Variants in CALN1 observed in about 807,000 individuals in gnomAD.
CALN1 encodes the protein calneuron 1.
CALN1 carries 17 observed loss-of-function variants against 30.6 expected under a neutral mutation model. The observed-to-expected ratio is 0.56, with a 90% CI of 0.38 to 0.83. CALN1 has a LOEUF of 0.83. Among genes scored for constraint, CALN1 ranks in the 40% least tolerant of loss-of-function variants. CALN1 has a pLI of 0.00. For synonymous variants in CALN1, 156 were observed against 131.4 expected, an observed-to-expected ratio of 1.19 and a Z score of -1.28; for missense variants, 291 against 354.9, an observed-to-expected ratio of 0.82 and a Z score of 1.45.
chr7:72,306,313 T>C (rs147555910), intron 2 of CALN1, among the ~76,000 whole-genome samples: 1 of 152,270 alleles, frequency 6.6e-6, no homozygotes, highest in African/African-American at 2.4e-5. Context: ...CCTGAAGAGA[T>C]TAAGTAAGAG....
chr7:72,390,002 T>C (rs1044210414), intron 2 of CALN1, among the ~76,000 whole-genome samples: 4 of 151,734 alleles, frequency 2.6e-5, no homozygotes, highest in African/African-American at 9.7e-5. Context: ...TGCCAAAATA[T>C]TATTCCCATG....
At chr7:72,242,592 A>G (rs138131778) in intron 3 of CALN1, among the ~76,000 whole-genome samples, 1 of 152,320 alleles carries the variant, frequency 6.6e-6, no homozygotes, top group East Asian at 1.9e-4. Flanking sequence ...ATATGGTTGA[A>G]ATATTAAAAT....
intron 5 of CALN1, among the ~76,000 whole-genome samples, chr7:71,950,212 T>C (rs1214168409): frequency 6.6e-6 from 1 of 152,134 alleles, no homozygotes; most frequent in Non-Finnish European, 1.5e-5. Context: ...GGGAGGAGAA[T>C]TGCTCACAGT....
intron 3 of CALN1, among the ~76,000 whole-genome samples, chr7:72,246,708 C>A (rs1795184248): frequency 6.6e-6 from 1 of 151,608 alleles, no homozygotes; most frequent in Non-Finnish European, 1.5e-5. Flanking sequence ...TATCCGATAC[C>A]CCATCCTCAC....
intron 3 of CALN1, among the ~76,000 whole-genome samples, chr7:72,267,284 T>A (rs1391841199): frequency 6.6e-6 from 1 of 152,060 alleles, no homozygotes; most frequent in Non-Finnish European, 1.5e-5. Flanking sequence ...ATGGACCACA[T>A]GGGTGGCAGG....
chr7:71,783,848 A>G lies in CALN1; in HGVS notation c.*3927T>C, dbSNP rs1792847746. 6.6e-6 allele frequency: 1 copy of G among 152,568 alleles called. No individual in the cohort carries two copies. Among genetic ancestry groups the G allele is most frequent in the Admixed American group, 6.5e-5 (1 of 15,278 alleles). 9.5% of individuals were successfully genotyped at this position (152,568 alleles called of 1,614,324 possible). On this transcript the variant is annotated 3_prime_UTR_variant, in exon 7 of 7. Transcript: ENST00000395275. ...GTCCATTTTTCATAGGCTCTTTTGG[A>G]TAACTGCAAGATCGTAGACCATTTG...
chr7:71,928,348 C>T (rs1157577593), intron 5 of CALN1, among the ~76,000 whole-genome samples: 1 of 151,966 alleles, frequency 6.6e-6, no homozygotes, highest in Non-Finnish European at 1.5e-5. Context: ...ATGGTTGTGT[C>T]CAATCTCTCC....
intron 3 of CALN1, among the ~76,000 whole-genome samples, chr7:72,264,667 G>C (rs1796494647): frequency 6.6e-6 from 1 of 152,084 alleles, no homozygotes; most frequent in African/African-American, 2.4e-5. Context: ...ACACCCAGCT[G>C]ATTTTTTGTG....
intron 1 of CALN1, among the ~76,000 whole-genome samples, chr7:72,432,433 G>A (rs752100938): frequency 2.0e-5 from 3 of 151,986 alleles, no homozygotes; most frequent in East Asian, 1.9e-4. Context: ...CTCTGCCTCC[G>A]GGAACAGAAA....
At chr7:71,887,193 C>T (rs752030929) in intron 5 of CALN1, among the ~76,000 whole-genome samples, 14 of 152,120 alleles carry the variant, frequency 9.2e-5, no homozygotes, top group Admixed American at 5.9e-4. Flanking sequence ...TACAGTTCTG[C>T]TCATCAGGAT....
chr7:72,439,699 C>G (rs896035629), intron 1 of CALN1, among the ~76,000 whole-genome samples: 21 of 151,870 alleles, frequency 1.4e-4, no homozygotes, highest in African/African-American at 4.8e-4. Flanking sequence ...ACCTCAGCCT[C>G]CTGAGTAGCT....
intron 3 of CALN1, among the ~76,000 whole-genome samples, chr7:72,188,088 A>C (rs887201631): frequency 6.6e-6 from 1 of 152,172 alleles, no homozygotes; most frequent in Non-Finnish European, 1.5e-5. Flanking sequence ...ACTGAACGTA[A>C]AACTACCATT....
chr7:72,247,367 C>A (rs1562791673), intron 3 of CALN1, among the ~76,000 whole-genome samples: 1 of 149,280 alleles, frequency 6.7e-6, no homozygotes, highest in East Asian at 2.1e-4. Context: ...CCTGCCTCAC[C>A]CTCCAGAATA....
At chr7:72,401,014 G>A (rs916453537) in intron 2 of CALN1, among the ~76,000 whole-genome samples, 9 of 152,178 alleles carry the variant, frequency 5.9e-5, no homozygotes, top group East Asian at 1.9e-4. Context: ...CGAGGAAACA[G>A]TGGTGGCTCT....
At chr7:72,230,538 G>A (rs1794023116) in intron 3 of CALN1, among the ~76,000 whole-genome samples, 1 of 151,546 alleles carries the variant, frequency 6.6e-6, no homozygotes, top group Non-Finnish European at 1.5e-5. Flanking sequence ...GAAGAGGACA[G>A]TAGGAGAGTC....
At chr7:71,833,949 C>T (rs1041005350) in intron 5 of CALN1, among the ~76,000 whole-genome samples, 6 of 151,952 alleles carry the variant, frequency 3.9e-5, no homozygotes, top group African/African-American at 9.7e-5. Flanking sequence ...ATTGGCCCGG[C>T]GCAGTGGCTC....
intron 3 of CALN1, among the ~76,000 whole-genome samples, chr7:72,151,858 C>T (rs1787274360): frequency 6.6e-6 from 1 of 151,810 alleles, no homozygotes; most frequent in African/African-American, 2.4e-5. Flanking sequence ...ACTACAGGTG[C>T]ATATCACCAC....
chr7:72,304,175 G>C (rs1247107090), intron 2 of CALN1, among the ~76,000 whole-genome samples: 1 of 152,206 alleles, frequency 6.6e-6, no homozygotes, highest in Non-Finnish European at 1.5e-5. Flanking sequence ...AATAAAGAAA[G>C]ACTTAAGTTT....
chr7:72,268,600 G>A lies in CALN1; in HGVS notation c.244+10086C>T, dbSNP rs576937886. 3.4e-4 allele frequency among the ~76,000 whole-genome samples: 52 copies of A among 152,198 alleles called. No individual in the cohort carries two copies. In the South Asian group the frequency reaches 8.9e-3, roughly 26 times the overall value. ...GCAGGCAGATCCCTTGAGCCCAGGC[G>A]TTCAAGACCAGCATGGGCAACATGG... is the stretch of plus-strand genomic sequence containing the variant. On this transcript the variant is annotated intron_variant, in intron 3 of 6. Coordinates refer to ENST00000395275, the MANE Select transcript of CALN1 (RefSeq NM_031468.4).
Sources: gnomAD v4.1 joint callset for allele counts (sites outside exome capture counted in the v4.1 genomes callset) on GRCh38, gnomAD v4.1.1 for gene constraint, MANE v1.5 for transcripts, NCBI Gene and HGNC (gene_info 2026-07-23, HGNC 2026-07-21) for gene names.